The following STK32B variants were observed in gnomAD, a reference collection of about 807,000 sequenced individuals.
STK32B encodes the protein serine/threonine-protein kinase 32B.
A neutral mutation model predicts 52.6 loss-of-function variants in STK32B; 43 were observed. The ratio of observed to expected loss-of-function variants is 0.82; its 90% confidence interval spans 0.64 to 1.05. The LOEUF (loss-of-function observed/expected upper bound fraction) is 1.05. Among genes scored for constraint, STK32B ranks in the 50% least tolerant of loss-of-function variants. The pLI is 0.00. For missense variants in STK32B, 621 were observed against 534.6 expected (o/e 1.16, Z -1.59); for synonymous variants, 238 against 204.3 (o/e 1.17, Z -1.41).
At chr4:5,081,763 T>G (rs962846210) in intron 1 of STK32B, among the ~76,000 whole-genome samples, 1 of 152,312 alleles carries the variant, frequency 6.6e-6, no homozygotes. Context: ...AAACTTCTAG[T>G]TTTTGTTCAT....
chr4:5,233,516 G>A (rs896189719), intron 3 of STK32B, among the ~76,000 whole-genome samples: 11 of 151,992 alleles, frequency 7.2e-5, no homozygotes, highest in East Asian at 3.9e-4. Flanking sequence ...TAGAGGGGAC[G>A]GAAAGGTATG....
chr4:5,247,068 C>A lies in STK32B; in HGVS notation c.260+78618C>A, dbSNP rs184057757. The stretch of plus-strand genomic sequence containing the variant: ...CTGCCCGTTCTCAGATCTCAAGCTG[C>A]ATGCTGGGAGAACCACTACTCTCTT... On this transcript the variant is annotated intron_variant, in intron 3 of 11. Coordinates refer to ENST00000282908, the MANE Select transcript of STK32B (RefSeq NM_018401.3). Among the ~76,000 whole-genome samples the A allele has an allele frequency of 3.0e-3, 463 of 152,350 alleles. 2 individuals are homozygous for A. Among genetic ancestry groups the A allele is most frequent in the African/African-American group, 0.011 (444 of 41,586 alleles).
intron 3 of STK32B, among the ~76,000 whole-genome samples, chr4:5,318,650 A>T (rs1331007217): frequency 1.3e-5 from 2 of 152,138 alleles, no homozygotes; most frequent in African/African-American, 4.8e-5. Flanking sequence ...AGACAAGGGA[A>T]CAGCATAAGA....
chr4:5,321,426 G>A (rs1046717585), intron 3 of STK32B, among the ~76,000 whole-genome samples: 2 of 152,126 alleles, frequency 1.3e-5, no homozygotes, highest in African/African-American at 2.4e-5. Context: ...GAGCAGTTTG[G>A]CTTCATCTTA....
chr4:5,435,366 G>T (rs1224711137), intron 6 of STK32B, among the ~76,000 whole-genome samples: 3 of 152,172 alleles, frequency 2.0e-5, no homozygotes, highest in African/African-American at 7.2e-5. Context: ...GTGAGCCAGG[G>T]CTGCCCCTAG....
At chr4:5,463,818 G>T (rs943690787) in intron 9 of STK32B, among the ~76,000 whole-genome samples, 6 of 152,140 alleles carry the variant, frequency 3.9e-5, no homozygotes, top group Admixed American at 2.6e-4. Context: ...TGTCCACAAG[G>T]CAGTCTCCTA....
chr4:5,351,798 A>G (rs1274835260), intron 4 of STK32B, among the ~76,000 whole-genome samples: 3 of 152,116 alleles, frequency 2.0e-5, no homozygotes, highest in African/African-American at 4.8e-5. Context: ...CAGAAATACG[A>G]AAGATCATCA....
intron 3 of STK32B, among the ~76,000 whole-genome samples, chr4:5,239,085 C>G (rs977224309): frequency 1.3e-5 from 2 of 152,016 alleles, no homozygotes; most frequent in Non-Finnish European, 2.9e-5. Context: ...TTCCATGCTG[C>G]AGGAGCAGTG....
intron 11 of STK32B, among the ~76,000 whole-genome samples, chr4:5,477,407 C>G (rs1015168228): frequency 1.4e-4 from 21 of 152,256 alleles, no homozygotes; most frequent in African/African-American, 5.1e-4. Flanking sequence ...CCTCAAATGC[C>G]TCATTTTCTG....
At chr4:5,188,274 C>A (rs1720902791) in intron 3 of STK32B, among the ~76,000 whole-genome samples, 1 of 152,188 alleles carries the variant, frequency 6.6e-6, no homozygotes, top group Non-Finnish European at 1.5e-5. Flanking sequence ...GTGAAGCTCA[C>A]ATCCCAAAGA....
rs59646897 is a variant in STK32B at position 5,236,044 on chromosome 4, T to C, written c.260+67594T>C. Among the ~76,000 whole-genome samples, 766 of 152,200 alleles carry C rather than the reference T, an allele frequency of 5.0e-3. 9 individuals carry two copies. The highest frequency in any genetic ancestry group is 0.018 in the African/African-American group (727 of 41,522). ...CAGAGCAGCCAGGAGGGGGTGGGTG[T>C]CTGCAGGGGCAGTGTCTGGGAGCAT... On this transcript the variant is annotated intron_variant, in intron 3 of 11. Coordinates refer to ENST00000282908, the MANE Select transcript of STK32B (RefSeq NM_018401.3).
At chr4:5,430,847 T>A (rs1434056352) in intron 6 of STK32B, among the ~76,000 whole-genome samples, 1 of 152,230 alleles carries the variant, frequency 6.6e-6, no homozygotes, top group African/African-American at 2.4e-5. Context: ...ATGTTCCTGT[T>A]CCACCTTTGA....
chr4:5,379,365 T>C (rs1302730804), intron 4 of STK32B, among the ~76,000 whole-genome samples: 1 of 152,212 alleles, frequency 6.6e-6, no homozygotes, highest in East Asian at 1.9e-4. Flanking sequence ...CCCTCCTTGA[T>C]TTCAGGAAAC....
intron 1 of STK32B, among the ~76,000 whole-genome samples, chr4:5,083,124 A>G (rs1208466663): frequency 6.6e-6 from 1 of 152,134 alleles, no homozygotes; most frequent in Non-Finnish European, 1.5e-5. Context: ...AATTTTCTTT[A>G]ACTTGATTTT....
At chr4:5,135,465 A>G (rs1716016139) in intron 1 of STK32B, among the ~76,000 whole-genome samples, 1 of 152,244 alleles carries the variant, frequency 6.6e-6, no homozygotes, top group Non-Finnish European at 1.5e-5. Flanking sequence ...TAAAATAGTT[A>G]GCATTTACTA....
intron 11 of STK32B, among the ~76,000 whole-genome samples, chr4:5,472,609 A>G (rs1717928645): frequency 6.6e-6 from 1 of 152,178 alleles, no homozygotes; most frequent in Non-Finnish European, 1.5e-5. Flanking sequence ...AGCATTTGAC[A>G]TTTTGCAGAA....
intron 5 of STK32B, among the ~76,000 whole-genome samples, chr4:5,413,910 A>G (rs920391835): frequency 1.7e-4 from 26 of 152,230 alleles, no homozygotes; most frequent in East Asian, 9.6e-4. Context: ...AGTGCCATCA[A>G]TTATAACTTT....
chr4:5,493,507 T>A (rs1719930115), intron 11 of STK32B, among the ~76,000 whole-genome samples: 1 of 152,232 alleles, frequency 6.6e-6, no homozygotes, highest in African/African-American at 2.4e-5. Flanking sequence ...CTATCAATTT[T>A]GTTGATCCTT....
intron 4 of STK32B, among the ~76,000 whole-genome samples, chr4:5,349,962 G>A (rs1733722266): frequency 6.6e-6 from 1 of 152,112 alleles, no homozygotes; most frequent in Non-Finnish European, 1.5e-5. Context: ...AAAATAATGA[G>A]CAAAGCCTAT....
Sources: allele counts gnomAD v4.1 joint callset (sites outside exome capture counted in the v4.1 genomes callset), GRCh38; gene constraint gnomAD v4.1.1; transcripts MANE v1.5; gene names NCBI Gene and HGNC (gene_info 2026-07-23, HGNC 2026-07-21).